TAF6L: variants seen among roughly 807,000 people sequenced by gnomAD.
TAF6L encodes TATA-box binding protein associated factor 6 like.
Under a neutral mutation model 57.3 loss-of-function variants are expected in TAF6L, and 34 were observed. That is an observed-to-expected ratio of 0.59 (90% CI 0.45 to 0.79). The LOEUF is 0.79. Among genes scored for constraint, TAF6L ranks in the 30% least tolerant of loss-of-function variants. The pLI is 0.00. For synonymous variants in TAF6L, 417 were observed against 376.3 expected, an observed-to-expected ratio of 1.11 and a Z score of -1.25; for missense variants, 782 against 853.2, an observed-to-expected ratio of 0.92 and a Z score of 1.04.
rs867380879 is a variant in TAF6L, at chr11:62,787,147, C to A, written c.1720C>A (p.Arg574Ser). The change falls in exon 11 of 11, where the codon CGC becomes AGC. Residue 574 changes from arginine to serine, a missense_variant. By Grantham distance (110) the Arg-to-Ser change is moderately radical. Transcript: ENST00000294168. ...IAGRQAGRRCRGRLFQTAFPA... is the reference protein window; with the variant it reads ...IAGRQAGRRCSGRLFQTAFPA... ...CGGGCGGCAGGCTGGGAGGCGCTGC[C>A]GCGGGCGCCTTTTCCAGACTGCCTT... 6.4e-7 allele frequency: 1 copy of A among 1,570,434 alleles called. No homozygotes were observed. The highest frequency in any genetic ancestry group is 8.6e-7 in the Non-Finnish European group (1 of 1,167,520).
chr11:62,775,253 A>C (rs911368869), intron 1 of TAF6L, among the ~76,000 whole-genome samples: 4 of 152,098 alleles, frequency 2.6e-5, no homozygotes, highest in African/African-American at 9.7e-5. Context: ...AAACCATTAG[A>C]TCTTTTGAGA....
intron 1 of TAF6L, chr11:62,774,523 G>C: frequency 2.2e-6 from 1 of 452,924 alleles, no homozygotes; most frequent in Non-Finnish European, 4.4e-6. Context: ...GGCAATGCCT[G>C]GGTGGGTCAT....
intron 8 of TAF6L, 50 bp from the exon 9 acceptor site, chr11:62,782,643 G>C: frequency 6.2e-7 from 1 of 1,601,010 alleles, no homozygotes; most frequent in African/African-American, 1.3e-5. Context: ...GTGCCCTGTT[G>C]GGTGGCACCA....
intron 6 of TAF6L, 127 bp from the exon 7 acceptor site, chr11:62,781,767 A>G (rs1262296897): frequency 3.6e-6 from 3 of 829,480 alleles, no homozygotes; most frequent in Non-Finnish European, 6.0e-6. Context: ...GAATTGCTAG[A>G]TCAAAGAATA....
intron 6 of TAF6L, among the ~76,000 whole-genome samples, chr11:62,779,952 C>CTATATATATATATATATATA (rs1225374367): frequency 1.0e-5 from 1 of 100,064 alleles, no homozygotes; most frequent in African/African-American, 4.5e-5. Context: ...AGGCGTGAGC[C>CTATATATATATATATATATA]TATATATATA....
intron 9 of TAF6L, among the ~76,000 whole-genome samples, chr11:62,783,342 T>C (rs979336316): frequency 3.3e-5 from 5 of 151,814 alleles, no homozygotes; most frequent in Admixed American, 6.6e-5. Flanking sequence ...ATTAGCCTGG[T>C]GTGGTGGCGG....
At position 62,787,104 on chromosome 11, in the gene TAF6L, C is replaced by T. The variant is rs1036453066; in HGVS notation, c.1677C>T (p.His559=). The T allele has an allele frequency of 1.3e-6, 2 of 1,547,662 alleles. No homozygotes were observed. The highest frequency in any genetic ancestry group is 2.8e-5 in the African/African-American group (2 of 72,234). ...GTTTCGCCCCGCGCGGCGCCCCGCA[C>T]TTTCGTTTCATCATAGCCGGGCGGC... The part of the protein sequence containing the change: ...KSRFAPRGAP[H]FRFIIAGRQA... The change falls in exon 11 of 11, where the codon CAC becomes CAT. Residue 559 remains histidine, a synonymous_variant. Transcript: ENST00000294168.
rs1395752620 is a variant in TAF6L at position 62,786,835 on chromosome 11, G to A, written c.1408G>A (p.Gly470Arg). The change falls in exon 11 of 11, where the codon GGG becomes AGG. Residue 470 changes from glycine (G) to arginine (R), a missense_variant. Gly to Arg is a moderately radical substitution (Grantham distance 125). Around this residue, in one of 3 missense-constraint regions of TAF6L, gnomAD observed 483 missense variants for 445.1 expected, o/e 1.09. Coordinates refer to ENST00000294168, the MANE Select transcript of TAF6L (RefSeq NM_006473.4). ...QPAPTAPRPP[G>R]DKKEPAAAPD... Reference sequence around the variant, plus strand: ...TGCACCCACGGCTCCGCGGCCGCCCGGGGACAAGAAGGAGCCGGCGGCAGC... The same window carrying A: ...TGCACCCACGGCTCCGCGGCCGCCCAGGGACAAGAAGGAGCCGGCGGCAGC... 16 of 1,601,576 alleles carry A rather than the reference G, an allele frequency of 1.0e-5. No homozygotes were observed. Among genetic ancestry groups the A allele is most frequent in the East Asian group, 2.2e-5 (1 of 44,624 alleles).
chr11:62,786,852 G>A lies in TAF6L; in HGVS notation c.1425G>A (p.Pro475=), dbSNP rs920769377. 5.6e-6 allele frequency: 9 copies of A among 1,595,830 alleles called. No homozygotes were observed. The highest frequency in any genetic ancestry group is 2.2e-5 in the East Asian group (1 of 44,590). Reference sequence around the variant, plus strand: ...GGCCGCCCGGGGACAAGAAGGAGCCGGCGGCAGCCCCGGACTCGGTGCGGA... The same window carrying A: ...GGCCGCCCGGGGACAAGAAGGAGCCAGCGGCAGCCCCGGACTCGGTGCGGA... ...APRPPGDKKE[P]AAAPDSVRKM... The change falls in exon 11 of 11, where the codon CCG becomes CCA. Residue 475 remains proline (P), a synonymous_variant. Transcript: ENST00000294168.
intron 1 of TAF6L, chr11:62,772,237 C>A: frequency 1.2e-5 from 5 of 422,414 alleles, no homozygotes; most frequent in South Asian, 8.4e-5. Context: ...CAGTGCTATT[C>A]GTGGCCGGGC....
intron 1 of TAF6L, among the ~76,000 whole-genome samples, chr11:62,773,635 TG>T (rs1156500798): frequency 2.6e-5 from 4 of 151,450 alleles, no homozygotes; most frequent in Non-Finnish European, 5.9e-5. Flanking sequence ...GTAGTAGAGA[TG>T]GGGGTTTTTC....
chr11:62,774,695 G>C (rs1272478918), intron 1 of TAF6L: 6 of 454,308 alleles, frequency 1.3e-5, no homozygotes, highest in Non-Finnish European at 2.6e-5. Context: ...CAGCATTTAG[G>C]CACTGCAGCC....
At chr11:62,786,424 A>G (rs759034810) in intron 10 of TAF6L, 36 bp downstream of exon 10, 6 of 1,604,646 alleles carry the variant, frequency 3.7e-6, no homozygotes, top group Non-Finnish European at 4.3e-6. Flanking sequence ...CCTTCCCTGC[A>G]TGAGCTTAGC....
Position 62,779,002 on chromosome 11 carries a change from T to C in TAF6L, c.531+39T>C, listed in dbSNP as rs142864408. On this transcript the variant is annotated intron_variant, in intron 6 of 10. Transcript: ENST00000294168. ...CCCAAGTTGGGGCACAAAGTTGAAA[T>C]TGTAAATTCTAGACCTGTTTTTTTT... 595 of 1,555,826 alleles carry C rather than the reference T, an allele frequency of 3.8e-4. 2 individuals are homozygous for C. Among genetic ancestry groups the C allele is most frequent in the African/African-American group, 3.6e-3 (266 of 73,524 alleles).
At chr11:62,778,422 G>T in intron 5 of TAF6L, 87 bp downstream of exon 5, 3 of 1,484,948 alleles carry the variant, frequency 2.0e-6, no homozygotes, top group Non-Finnish European at 2.8e-6. Flanking sequence ...CCGAGTCTGC[G>T]TCTAACATGT....
In TAF6L at chr11:62,778,963, G is replaced by C; in HGVS notation, c.531G>C (p.Lys177Asn). 1 of 1,613,766 alleles carries C rather than the reference G, an allele frequency of 6.2e-7. No homozygotes were observed. Among genetic ancestry groups the C allele is most frequent in the Non-Finnish European group, 8.5e-7 (1 of 1,179,762 alleles). The change falls in exon 6 of 11, where the codon AAG becomes AAC. Residue 177 changes from lysine (K) to asparagine (N), a missense_variant and splice_region_variant. This residue lies in a region of TAF6L where 220 missense variants were observed against 252.1 expected (regional missense o/e 0.87). Transcript: ENST00000294168. Reference protein sequence around the residue: ...AVLGDDPQLMKVALQDLQTNS... With the variant: ...AVLGDDPQLMNVALQDLQTNS... ...TAGGGGATGATCCGCAACTGATGAA[G>C]GTGAGCGAGTGGGCCCAAGTTGGGG...
At chr11:62,776,780 G>A (rs571448987) in intron 3 of TAF6L, among the ~76,000 whole-genome samples, 1 of 151,520 alleles carries the variant, frequency 6.6e-6, no homozygotes, top group African/African-American at 2.4e-5. Context: ...GAACCTAGCA[G>A]GCAGAGGTTG....
chr11:62,771,838 C>T (rs1475129238), intron 1 of TAF6L: 2 of 300,300 alleles, frequency 6.7e-6, no homozygotes, highest in South Asian at 2.8e-5. Flanking sequence ...AAACTCCCTC[C>T]GTGCCTTTCG....
At chr11:62,786,425 T>C in intron 10 of TAF6L, 37 bp downstream of exon 10, 2 of 1,604,180 alleles carry the variant, frequency 1.2e-6, no homozygotes, top group Non-Finnish European at 1.7e-6. Flanking sequence ...CTTCCCTGCA[T>C]GAGCTTAGCA....
Sources: gnomAD v4.1 joint callset for allele counts (sites outside exome capture counted in the v4.1 genomes callset) on GRCh38, gnomAD v4.1.1 for gene constraint, gnomAD v4.1.1 regional missense constraint, MANE v1.5 for transcripts, NCBI Gene and HGNC (gene_info 2026-07-23, HGNC 2026-07-21) for gene names.